CDH6: variants seen among roughly 807,000 people sequenced by gnomAD.
CDH6 encodes cadherin-6.
A neutral mutation model predicts 78.0 loss-of-function variants in CDH6; 31 were observed. The ratio of observed to expected loss-of-function variants is 0.40; its 90% CI spans 0.30 to 0.54. CDH6 has a LOEUF of 0.54. Ranked by LOEUF, CDH6 falls within the 20% of genes least tolerant of loss-of-function variation. The pLI is 0.56. For missense variants in CDH6, 724 were observed against 975.9 expected (o/e 0.74, Z 3.44); for synonymous variants, 376 against 368.8 (o/e 1.02, Z -0.23).
In CDH6 at chr5:31,326,737, G is replaced by T. The variant is rs911120243; in HGVS notation, c.*3429G>T. ...GACAGAATCTCGCTCTGTCGCCCAG[G>T]CTGGAATGCAGTGGCGCGATCTCTG... On this transcript the variant is annotated 3_prime_UTR_variant, in exon 12 of 12. Transcript: ENST00000265071. The T allele has an allele frequency of 6.8e-6, 1 of 147,052 alleles. No homozygotes were observed. The highest frequency in any genetic ancestry group is 2.8e-5 in the African/African-American group (1 of 35,960). 9.1% of individuals were successfully genotyped at this position (147,052 alleles called of 1,614,324 possible).
intron 2 of CDH6, among the ~76,000 whole-genome samples, chr5:31,281,331 G>A (rs534948968): frequency 6.6e-6 from 1 of 150,954 alleles, no homozygotes; most frequent in Non-Finnish European, 1.5e-5. Flanking sequence ...GAGAAAGGGG[G>A]CTGGGGGAGT....
At chr5:31,308,854 C>T (rs1738069006) in intron 7 of CDH6, among the ~76,000 whole-genome samples, 1 of 151,954 alleles carries the variant, frequency 6.6e-6, no homozygotes, top group African/African-American at 2.4e-5. Flanking sequence ...AAGATTATTG[C>T]TGTATATTAT....
intron 1 of CDH6, among the ~76,000 whole-genome samples, chr5:31,232,921 G>A (rs1256273708): frequency 1.3e-5 from 2 of 151,936 alleles, no homozygotes; most frequent in East Asian, 1.9e-4. Context: ...AATACTCCCC[G>A]TTGTACAGAT....
chr5:31,315,945 A>G (rs1281030011), intron 8 of CDH6, among the ~76,000 whole-genome samples: 2 of 152,078 alleles, frequency 1.3e-5, no homozygotes, highest in African/African-American at 2.4e-5. Context: ...GTTTTGTGTT[A>G]TCTTAAGGTT....
intron 11 of CDH6, among the ~76,000 whole-genome samples, chr5:31,322,473 C>T (rs1738497664): frequency 6.6e-6 from 1 of 152,080 alleles, no homozygotes; most frequent in South Asian, 2.1e-4. Context: ...TAATTTGCAC[C>T]CTGATTGCAG....
intron 2 of CDH6, among the ~76,000 whole-genome samples, chr5:31,286,180 A>G (rs1743007506): frequency 6.6e-6 from 1 of 152,218 alleles, no homozygotes; most frequent in Non-Finnish European, 1.5e-5. Flanking sequence ...AAGTGCCTGT[A>G]TATCAGGCTC....
At chr5:31,217,033 T>G (rs1352070855) in intron 1 of CDH6, among the ~76,000 whole-genome samples, 1 of 152,136 alleles carries the variant, frequency 6.6e-6, no homozygotes, top group East Asian at 1.9e-4. Flanking sequence ...ATTATGCATG[T>G]TGATATTCCT....
In CDH6 at chr5:31,297,184, A is replaced by G. The variant is rs898701807; in HGVS notation, c.524-105A>G. 25 of 975,016 alleles carry G rather than the reference A, an allele frequency of 2.6e-5. 1 individual carries two copies. In the Admixed American group the frequency reaches 2.8e-4, roughly 11 times the overall value. 60.4% of individuals were successfully genotyped at this position (975,016 alleles called of 1,614,324 possible). On this transcript the variant is annotated intron_variant, in intron 3 of 11. Transcript: ENST00000265071. Reference sequence around the variant, plus strand: ...TCCTACCAAAGTTCTCGACTTCCTCAGCATGATATTTCCATACAAAATTAA... The same window carrying G: ...TCCTACCAAAGTTCTCGACTTCCTCGGCATGATATTTCCATACAAAATTAA...
chr5:31,268,845 C>G (rs190856775), intron 2 of CDH6, among the ~76,000 whole-genome samples: 3 of 152,170 alleles, frequency 2.0e-5, no homozygotes, highest in Non-Finnish European at 4.4e-5. Context: ...GGAAAGCCAT[C>G]CACGGCTTGG....
intron 1 of CDH6, among the ~76,000 whole-genome samples, chr5:31,231,120 G>C (rs1741300381): frequency 6.6e-6 from 1 of 151,908 alleles, no homozygotes; most frequent in South Asian, 2.1e-4. Flanking sequence ...TTCATCTTAG[G>C]GTGATTCAGC....
intron 2 of CDH6, among the ~76,000 whole-genome samples, chr5:31,276,495 G>A (rs1386896393): frequency 6.6e-6 from 1 of 152,134 alleles, no homozygotes; most frequent in Non-Finnish European, 1.5e-5. Context: ...GTGTTTCAAA[G>A]GACTTGAGGG....
At chr5:31,286,415 G>A (rs1266424049) in intron 2 of CDH6, among the ~76,000 whole-genome samples, 1 of 152,182 alleles carries the variant, frequency 6.6e-6, no homozygotes, top group South Asian at 2.1e-4. Context: ...CACAAGAGTT[G>A]GCTTAACTAG....
chr5:31,279,566 C>A (rs1290629385), intron 2 of CDH6, among the ~76,000 whole-genome samples: 1 of 151,558 alleles, frequency 6.6e-6, no homozygotes, highest in Non-Finnish European at 1.5e-5. Context: ...TGAGACCCTG[C>A]CTCAAAAAAT....
chr5:31,302,901 A>AAAAAAG (rs1164362034), intron 6 of CDH6, among the ~76,000 whole-genome samples: 37 of 136,308 alleles, frequency 2.7e-4, no homozygotes, highest in African/African-American at 4.6e-4. Context: ...GAAAGAAAGA[A>AAAAAAG]AAAAAGAAAG....
At chr5:31,302,389 C>T (rs2149951717) in intron 6 of CDH6, 91 bp downstream of exon 6, 3 of 931,782 alleles carry the variant, frequency 3.2e-6, no homozygotes, top group South Asian at 4.3e-5. Context: ...CTCACATAAA[C>T]ATTCCTTTAG....
At chr5:31,307,474 A>G (rs894460586) in intron 7 of CDH6, among the ~76,000 whole-genome samples, 7 of 152,238 alleles carry the variant, frequency 4.6e-5, no homozygotes, top group Admixed American at 4.6e-4. Flanking sequence ...AATATCTACA[A>G]GACACTTTGA....
rs201909616 is a variant in CDH6 at position 31,317,719 on chromosome 5, C to T, written c.1677C>T (p.His559=). Residue 559 remains histidine, a synonymous_variant, in exon 11 of 12, where the codon CAC becomes CAT. Transcript: ENST00000265071. ...ILTRKNGYNR[H]EMSTYLLPVV... is the part of the protein sequence containing the mutation. ...CTCGGAAAAATGGCTATAATAGACA[C>T]GAGATGAGCACCTATCTCTTGCCTG... The T allele has an allele frequency of 1.9e-6, 3 of 1,613,902 alleles. No individual in the cohort carries two copies. Among genetic ancestry groups the T allele is most frequent in the South Asian group, 2.2e-5 (2 of 91,072 alleles).
chr5:31,233,565 G>T (rs1426919302), intron 1 of CDH6, among the ~76,000 whole-genome samples: 1 of 151,292 alleles, frequency 6.6e-6, no homozygotes, highest in African/African-American at 2.4e-5. Context: ...CCTTGTTATT[G>T]CTTATCATTA....
intron 1 of CDH6, among the ~76,000 whole-genome samples, chr5:31,221,205 C>A (rs954813184): frequency 6.6e-6 from 1 of 152,192 alleles, no homozygotes; most frequent in African/African-American, 2.4e-5. Flanking sequence ...ACTCACTCAC[C>A]AGTCAAGCAC....
Sources: gnomAD v4.1 joint callset for allele counts (sites outside exome capture counted in the v4.1 genomes callset) on GRCh38, gnomAD v4.1.1 for gene constraint, MANE v1.5 for transcripts, NCBI Gene and HGNC (gene_info 2026-07-23, HGNC 2026-07-21) for gene names.